The following LDHA variants were observed in gnomAD, a reference collection of about 807,000 sequenced individuals.
LDHA encodes the protein lactate dehydrogenase A.
Under a neutral mutation model 36.3 loss-of-function variants are expected in LDHA, and 10 were observed. The observed-to-expected ratio is 0.28, with a 90% CI of 0.17 to 0.47. The LOEUF (loss-of-function observed/expected upper bound fraction) is 0.47, where lower values mean the gene tolerates loss of function less well. LDHA is among the 20% of genes least tolerant of loss of function. The pLI, the probability that LDHA is intolerant of heterozygous loss-of-function variation, is 0.99. For missense variants in LDHA, 267 were observed against 405.8 expected, an observed-to-expected ratio of 0.66 and a Z score of 2.94; for synonymous variants, 110 against 136.7, an observed-to-expected ratio of 0.80 and a Z score of 1.36.
chr11:18,401,066 G>A (rs1444296955), intron 4 of LDHA, 56 bp downstream of exon 4: 2 of 814,376 alleles, frequency 2.5e-6, no homozygotes, highest in Non-Finnish European at 3.9e-6. Context: ...GATAGTATAT[G>A]ATATATATAT....
chr11:18,403,138 T>C, intron 5 of LDHA, 125 bp downstream of exon 5: 1 of 773,310 alleles, frequency 1.3e-6, no homozygotes, highest in South Asian at 1.7e-5. Flanking sequence ...TCCCGAAATC[T>C]AGCATTTTGT....
intron 7 of LDHA, chr11:18,405,906 G>C (rs1039785879): frequency 4.0e-5 from 12 of 300,528 alleles, no homozygotes; most frequent in Admixed American, 1.9e-4. Context: ...TATTTTTAAT[G>C]ACTTTCTTTT....
intron 2 of LDHA, among the ~76,000 whole-genome samples, chr11:18,398,257 A>G (rs1482954429): frequency 6.6e-6 from 1 of 152,160 alleles, no homozygotes; most frequent in Non-Finnish European, 1.5e-5. Context: ...AACTATAAGG[A>G]TATTTTTTGC....
At chr11:18,401,473 CTTTTTT>C (rs58157049) in intron 4 of LDHA, among the ~76,000 whole-genome samples, 2,123 of 68,616 alleles carry the variant, frequency 0.031, 90 homozygotes, top group African/African-American at 0.11. Context: ...ATTTATTTTT[CTTTTTT>C]TTTTTTTTTT....
chr11:18,399,535 T>C lies in LDHA; in HGVS notation c.231T>C (p.Ile77=), dbSNP rs777160159. The change falls in exon 3 of 8, where the codon ATT becomes ATC. Residue 77 remains isoleucine, a synonymous_variant. Coordinates refer to ENST00000422447, the MANE Select transcript of LDHA (RefSeq NM_005566.4). ...HGSLFLRTPK[I]VSGKDYNVTA... The stretch of plus-strand genomic sequence containing the variant: ...GCCTTTTCCTTAGAACACCAAAGAT[T>C]GTCTCTGGCAAAGGTTGATTTCAAC... 2.5e-6 allele frequency: 4 copies of C among 1,599,244 alleles called. No individual in the cohort carries two copies. The Admixed American group carries it at 6.7e-5, about 27-fold the overall frequency.
Position 18,400,840 on chromosome 11 carries a change from A to G in LDHA, c.248A>G (p.Tyr83Cys), listed in dbSNP as rs1426332295. Residue 83 changes from tyrosine (Y) to cysteine (C), a missense_variant, in exon 4 of 8, where the codon TAT becomes TGT. By Grantham distance (194) the Tyr-to-Cys change is radical. Transcript: ENST00000422447. ...RTPKIVSGKD[Y>C]NVTANSKLVI... ...TCATTATTCCCCTTTTCTCTAGACTATAATGTAACTGCAAACTCCAAGCTG... is the reference window on the plus strand; with the variant it reads ...TCATTATTCCCCTTTTCTCTAGACTGTAATGTAACTGCAAACTCCAAGCTG... 6.2e-7 allele frequency: 1 copy of G among 1,612,936 alleles called. No individual in the cohort carries two copies. The highest frequency in any genetic ancestry group is 8.5e-7 in the Non-Finnish European group (1 of 1,179,208).
At position 18,407,772 on chromosome 11, in the gene LDHA, G is replaced by A. The variant is rs1235118658; in HGVS notation, c.*491G>A. The A allele has an allele frequency of 2.2e-6, 1 of 458,022 alleles. No homozygotes were observed. Among genetic ancestry groups the A allele is most frequent in the Non-Finnish European group, 4.4e-6 (1 of 229,490 alleles). 28.4% of individuals were successfully genotyped at this position (458,022 alleles called of 1,614,324 possible). A position where few individuals can be genotyped will look rare whatever the true frequency, so the allele number is the denominator to read the frequency against. The stretch of plus-strand genomic sequence containing the variant: ...TGTACATTACCATATAATGTAAAAA[G>A]ATCTACATACAAACAATGCAACCAA... On this transcript the variant is annotated 3_prime_UTR_variant, in exon 8 of 8. Coordinates refer to ENST00000422447, the MANE Select transcript of LDHA (RefSeq NM_005566.4).
chr11:18,397,631 G>A (rs775033139), intron 2 of LDHA, among the ~76,000 whole-genome samples: 7 of 152,084 alleles, frequency 4.6e-5, no homozygotes, highest in South Asian at 2.1e-4. Flanking sequence ...CTAACACGAT[G>A]AAACCCCATC....
intron 4 of LDHA, 30 bp from the exon 5 acceptor site, chr11:18,402,810 G>C: frequency 5.8e-6 from 9 of 1,561,040 alleles, no homozygotes; most frequent in Non-Finnish European, 8.0e-6. Context: ...AGAGGATAAT[G>C]GGTGATTTTT....
intron 3 of LDHA, 34 bp from the exon 4 acceptor site, chr11:18,400,803 G>T: frequency 6.4e-7 from 1 of 1,572,226 alleles, no homozygotes; most frequent in Non-Finnish European, 8.8e-7. Context: ...TATTCTAAAG[G>T]CCTTAATCTG....
chr11:18,401,261 T>C (rs538035362), intron 4 of LDHA, among the ~76,000 whole-genome samples: 18 of 150,476 alleles, frequency 1.2e-4, no homozygotes, highest in African/African-American at 4.1e-4. Context: ...GCGATTCTTT[T>C]GCCTCAGCCT....
intron 6 of LDHA, among the ~76,000 whole-genome samples, chr11:18,404,138 G>A (rs1267677640): frequency 5.8e-5 from 5 of 85,914 alleles, no homozygotes. Context: ...CACCATGTTA[G>A]CCAAAAAAAA....
Position 18,400,957 on chromosome 11 carries a change from C to CG in LDHA, c.365_366insG (p.Asn123Ter). On this transcript the variant is annotated frameshift_variant, in exon 4 of 8. Transcript: ENST00000422447. LOFTEE classifies it high-confidence loss of function. ...GTGAACATCTTTAAATTCATCATTC[C>CG]TAATGTTGTAAAATACAGCCCGAAC... 1 of 1,613,332 alleles carries CG rather than the reference C, an allele frequency of 6.2e-7. No individual in the cohort carries two copies. Among genetic ancestry groups the CG allele is most frequent in the Middle Eastern group, 1.7e-4 (1 of 6,056 alleles).
intron 7 of LDHA, among the ~76,000 whole-genome samples, chr11:18,406,413 T>TGAAAA: frequency 7.1e-5 from 1 of 14,138 alleles, no homozygotes. Flanking sequence ...CTTGCCTCTG[T>TGAAAA]TAAAAAAAAA....
intron 1 of LDHA, chr11:18,396,322 G>A: frequency 7.7e-6 from 3 of 391,076 alleles, no homozygotes; most frequent in Non-Finnish European, 1.4e-5. Context: ...TCTGATTTCC[G>A]CCCACCTTTC....
At position 18,400,849 on chromosome 11, in the gene LDHA, C is replaced by T. The variant is rs1176413079; in HGVS notation, c.257C>T (p.Thr86Ile). 1 of 1,613,342 alleles carries T rather than the reference C, an allele frequency of 6.2e-7. No homozygotes were observed. Among genetic ancestry groups the T allele is most frequent in the East Asian group, 2.2e-5 (1 of 44,862 alleles). Residue 86 changes from threonine to isoleucine, a missense_variant, in exon 4 of 8, where the codon ACT becomes ATT. Thr to Ile is a moderately conservative substitution (Grantham distance 89). Coordinates refer to ENST00000422447, the MANE Select transcript of LDHA (RefSeq NM_005566.4). ...KIVSGKDYNV[T>I]ANSKLVIITA... The stretch of plus-strand genomic sequence containing the variant: ...CCCTTTTCTCTAGACTATAATGTAA[C>T]TGCAAACTCCAAGCTGGTCATTATC...
Position 18,402,947 on chromosome 11 carries a change from G to A in LDHA, c.526G>A (p.Glu176Lys). The A allele has an allele frequency of 6.2e-7, 1 of 1,612,536 alleles. No individual in the cohort carries two copies. The highest frequency in any genetic ancestry group is 8.5e-7 in the Non-Finnish European group (1 of 1,178,520). ...DSARFRYLMG[E>K]RLGVHPLSCH... ...AGCCCGATTCCGTTACCTAATGGGG[G>A]AAAGGCTGGGAGTTCACCCATTAAG... Residue 176 changes from glutamate to lysine, a missense_variant, in exon 5 of 8, where the codon GAA becomes AAA. Physicochemically the swap from Glu to Lys is moderately conservative, Grantham distance 56. Transcript: ENST00000422447.
intron 6 of LDHA, among the ~76,000 whole-genome samples, chr11:18,405,019 C>T (rs1042970376): frequency 6.6e-6 from 1 of 152,100 alleles, no homozygotes; most frequent in African/African-American, 2.4e-5. Context: ...GCTCTTTCCC[C>T]CAGCTATCCC....
At chr11:18,396,330 T>C (rs1866299257) in intron 1 of LDHA, 1 of 393,730 alleles carries the variant, frequency 2.5e-6, no homozygotes, top group Non-Finnish European at 4.5e-6. Context: ...CCGCCCACCT[T>C]TCCGAGCGGG....
Sources: allele counts gnomAD v4.1 joint callset (sites outside exome capture counted in the v4.1 genomes callset), GRCh38; gene constraint gnomAD v4.1.1; transcripts MANE v1.5; gene names NCBI Gene and HGNC (gene_info 2026-07-23, HGNC 2026-07-21).